Variants in RBFOX1 observed in about 807,000 individuals in gnomAD.
The protein encoded by RBFOX1 is RNA binding protein fox-1 homolog 1.
A neutral mutation model predicts 57.7 loss-of-function variants in RBFOX1; 8 were observed. The ratio of observed to expected loss-of-function variants is 0.14; its 90% CI spans 0.08 to 0.25. The LOEUF is 0.25. Among genes scored for constraint, RBFOX1 ranks in the 10% least tolerant of loss-of-function variants. RBFOX1 has a pLI of 1.00. For synonymous variants in RBFOX1, 326 were observed against 222.4 expected, an observed-to-expected ratio of 1.47 and a Z score of -4.15; for missense variants, 611 against 548.5, an observed-to-expected ratio of 1.11 and a Z score of -1.14.
intron 1 of RBFOX1, among the ~76,000 whole-genome samples, chr16:5,396,621 G>A (rs2066564196): frequency 6.6e-6 from 1 of 152,112 alleles, no homozygotes; most frequent in African/African-American, 2.4e-5. Context: ...CAGCCTGGAT[G>A]ACAGAACAAG....
intron 3 of RBFOX1, among the ~76,000 whole-genome samples, chr16:5,683,252 G>C (rs1596737727): frequency 6.6e-6 from 1 of 152,092 alleles, no homozygotes; most frequent in Admixed American, 6.6e-5. Flanking sequence ...GTAATGTGCA[G>C]GTCTTACCCA....
intron 3 of RBFOX1, among the ~76,000 whole-genome samples, chr16:6,867,891 C>G (rs1234262757): frequency 6.6e-6 from 1 of 152,088 alleles, no homozygotes; most frequent in Admixed American, 6.6e-5. Context: ...TATAGTCATT[C>G]CATACTCTTA....
chr16:7,709,005 G>GT, intron 14 of RBFOX1, 51 bp from the exon 15 acceptor site: 1 of 1,523,516 alleles, frequency 6.6e-7, no homozygotes, highest in African/African-American at 1.4e-5. Context: ...GATTGTTATT[G>GT]TTTTGTAATT....
At chr16:6,472,282 T>C (rs1467751343) in intron 2 of RBFOX1, among the ~76,000 whole-genome samples, 1 of 152,112 alleles carries the variant, frequency 6.6e-6, no homozygotes, top group African/African-American at 2.4e-5. Context: ...CCCTGCAGCG[T>C]TAGGGAGAAA....
intron 1 of RBFOX1, among the ~76,000 whole-genome samples, chr16:6,079,440 T>C (rs2095964519): frequency 6.6e-6 from 1 of 152,180 alleles, no homozygotes; most frequent in Non-Finnish European, 1.5e-5. Context: ...GCCTCCTGAG[T>C]AGCTGGGACC....
chr16:7,611,830 G>C (rs985653713), intron 10 of RBFOX1, among the ~76,000 whole-genome samples: 5 of 152,142 alleles, frequency 3.3e-5, no homozygotes, highest in South Asian at 2.1e-4. Context: ...TTCTCATCAA[G>C]TCATACTTAT....
chr16:6,635,548 T>C (rs1266238416), intron 2 of RBFOX1, among the ~76,000 whole-genome samples: 1 of 152,032 alleles, frequency 6.6e-6, no homozygotes, highest in Non-Finnish European at 1.5e-5. Flanking sequence ...GCCAAGTTTC[T>C]GGAAAATAAA....
intron 4 of RBFOX1, among the ~76,000 whole-genome samples, chr16:7,152,288 A>G (rs973753663): frequency 3.9e-5 from 6 of 152,198 alleles, no homozygotes; most frequent in African/African-American, 1.4e-4. Flanking sequence ...AAAGTATTCT[A>G]TCAGTGGAAA....
At chr16:6,632,672 C>T (rs949468706) in intron 2 of RBFOX1, among the ~76,000 whole-genome samples, 31 of 152,296 alleles carry the variant, frequency 2.0e-4, no homozygotes, top group African/African-American at 6.0e-4. Flanking sequence ...GACTGATATC[C>T]GGCGAAGGCC....
chr16:6,189,193 C>A (rs1367920445), intron 1 of RBFOX1, among the ~76,000 whole-genome samples: 1 of 152,166 alleles, frequency 6.6e-6, no homozygotes, highest in Non-Finnish European at 1.5e-5. Flanking sequence ...ACAATGAATG[C>A]TTTCATAGCA....
At chr16:7,148,285 T>A (rs2075426816) in intron 4 of RBFOX1, among the ~76,000 whole-genome samples, 1 of 152,168 alleles carries the variant, frequency 6.6e-6, no homozygotes, top group Admixed American at 6.5e-5. Flanking sequence ...TTGGTATTAT[T>A]TACAAAGGAG....
intron 2 of RBFOX1, among the ~76,000 whole-genome samples, chr16:6,342,739 G>A (rs2084753490): frequency 6.6e-6 from 1 of 152,032 alleles, no homozygotes; most frequent in Admixed American, 6.6e-5. Flanking sequence ...AATCTCTTCG[G>A]TGCGTATCTC....
intron 2 of RBFOX1, among the ~76,000 whole-genome samples, chr16:6,538,851 G>A (rs11077043): frequency 0.45 from 68,866 of 151,952 alleles, 16,186 homozygotes; most frequent in Non-Finnish European, 0.52. Flanking sequence ...ATGTAAAATG[G>A]TGCCAAACTT....
At chr16:7,152,860 A>T (rs1034257398) in intron 4 of RBFOX1, among the ~76,000 whole-genome samples, 29 of 152,196 alleles carry the variant, frequency 1.9e-4, no homozygotes, top group African/African-American at 6.8e-4. Flanking sequence ...GCATGAAGGC[A>T]CTTAATCATT....
chr16:6,189,400 C>G (rs2097128035), intron 1 of RBFOX1, among the ~76,000 whole-genome samples: 1 of 152,200 alleles, frequency 6.6e-6, no homozygotes, highest in Non-Finnish European at 1.5e-5. Flanking sequence ...TCATAAACTC[C>G]TCAGCTGTTA....
At chr16:7,011,415 T>C (rs138610253) in intron 3 of RBFOX1, among the ~76,000 whole-genome samples, 21 of 152,340 alleles carry the variant, frequency 1.4e-4, no homozygotes, top group African/African-American at 3.8e-4. Flanking sequence ...TGTTTGTTGC[T>C]ATGTGTTTTT....
intron 1 of RBFOX1, among the ~76,000 whole-genome samples, chr16:5,249,763 A>G (rs967005863): frequency 1.6e-4 from 25 of 152,238 alleles, no homozygotes; most frequent in African/African-American, 5.8e-4. Context: ...ATTCGAGACC[A>G]GCTTGGCCAA....
chr16:5,438,577 G>A (rs74352142), intron 1 of RBFOX1, among the ~76,000 whole-genome samples: 3,254 of 152,202 alleles, frequency 0.021, 63 homozygotes, highest in Middle Eastern at 0.061. Flanking sequence ...CTATTAGCTG[G>A]CCTGGTTGCA....
chr16:6,256,235 GTATATATATATGTATATATATGTGTA>G (rs2097664669), intron 1 of RBFOX1, among the ~76,000 whole-genome samples: 1 of 72,854 alleles, frequency 1.4e-5, no homozygotes, highest in African/African-American at 5.2e-5. Context: ...ATATATATGT[GTATATATATATGTATATATATGTGTA>G]TATATATATG....
Sources: allele counts gnomAD v4.1 joint callset (sites outside exome capture counted in the v4.1 genomes callset), GRCh38; gene constraint gnomAD v4.1.1; transcripts MANE v1.5; gene names NCBI Gene and HGNC (gene_info 2026-07-23, HGNC 2026-07-21).